RFX1: variants seen among roughly 807,000 people sequenced by gnomAD.
The protein encoded by RFX1 is regulatory factor X1.
RFX1 carries 42 observed loss-of-function variants against 119.6 expected under a neutral mutation model. The observed-to-expected ratio is 0.35, with a 90% CI of 0.27 to 0.45. The LOEUF (loss-of-function observed/expected upper bound fraction) is 0.45, where lower values mean the gene tolerates loss of function less well. Among genes scored for constraint, RFX1 ranks in the 20% least tolerant of loss-of-function variants. The pLI is 1.00. For missense variants in RFX1, 1,118 were observed against 1,368.1 expected (o/e 0.82, Z 2.88); for synonymous variants, 628 against 618.5 (o/e 1.02, Z -0.23).
intron 9 of RFX1, among the ~76,000 whole-genome samples, chr19:13,972,323 A>G (rs962221638): frequency 1.3e-5 from 2 of 151,610 alleles, no homozygotes; most frequent in Non-Finnish European, 1.5e-5. Context: ...CCTCCTGAGT[A>G]GCTGGGATTA....
At chr19:13,977,713 G>A (rs1974291313) in intron 8 of RFX1, among the ~76,000 whole-genome samples, 1 of 151,270 alleles carries the variant, frequency 6.6e-6, no homozygotes, top group African/African-American at 2.4e-5. Context: ...CACCGTGCCT[G>A]GCCTTTTTTT....
At chr19:13,962,948 G>T in intron 20 of RFX1, 46 bp downstream of exon 20, 1 of 1,547,554 alleles carries the variant, frequency 6.5e-7, no homozygotes, top group Non-Finnish European at 8.7e-7. Flanking sequence ...TCCGTTGTCC[G>T]CCACCCCCGG....
At chr19:13,988,605 A>G (rs1433383989) in intron 2 of RFX1, among the ~76,000 whole-genome samples, 2 of 152,116 alleles carry the variant, frequency 1.3e-5, no homozygotes, top group Non-Finnish European at 2.9e-5. Context: ...GTGCTCCTCT[A>G]GGCTGTTCTG....
In RFX1 at chr19:13,970,099, A is replaced by G; in HGVS notation, c.1391T>C (p.Leu464Ser). The change falls in exon 10 of 21, where the codon TTA (leucine) becomes TCA (serine). Residue 464 changes from leucine (L) to serine (S), a missense_variant. By Grantham distance (145) the Leu-to-Ser change is moderately radical. Coordinates refer to ENST00000254325, the MANE Select transcript of RFX1 (RefSeq NM_002918.5). ...CAGCTTCTGCTCCTGGCAGTGCAGT[A>G]AGTAGTGGCAGTAGAGGGTGCTCCG... ...LPRSTLYCHY[L>S]LHCQEQKLEP... The G allele has an allele frequency of 6.2e-7, 1 of 1,614,072 alleles. No individual in the cohort carries two copies. The highest frequency in any genetic ancestry group is 2.2e-5 in the East Asian group (1 of 44,890).
At chr19:13,971,764 C>T (rs992534110) in intron 9 of RFX1, among the ~76,000 whole-genome samples, 1 of 152,026 alleles carries the variant, frequency 6.6e-6, no homozygotes, top group African/African-American at 2.4e-5. Context: ...AATCCCAGCA[C>T]TTTGGGAGGC....
Position 13,969,872 on chromosome 19 carries a change from G to C in RFX1, c.1496+122C>G, listed in dbSNP as rs1025802542. 7.1e-6 allele frequency: 7 copies of C among 981,150 alleles called. No homozygotes were observed. The South Asian group carries it at 1.2e-4, about 17-fold the overall frequency. The allele number at this position is 981,150 out of a possible 1,614,324, so 60.8% of individuals were successfully genotyped here. On this transcript the variant is annotated intron_variant, in intron 10 of 20. Transcript: ENST00000254325. This position sits in a 1 kb window ranked among gnomAD's most constrained non-coding sequence, Gnocchi z 4.5. The stretch of plus-strand genomic sequence containing the variant: ...TGGGAGTGAGCGGGGCTGTCGAGGA[G>C]CCTCGCAGAGGCCGGCGGGACTGGG...
At chr19:13,995,741 C>T (rs1974991001) in intron 1 of RFX1, among the ~76,000 whole-genome samples, 1 of 148,636 alleles carries the variant, frequency 6.7e-6, no homozygotes, top group Non-Finnish European at 1.5e-5. Flanking sequence ...ATCCCAGCTA[C>T]TTAGGAGGAT....
At chr19:13,964,506 A>G (rs191265181) in intron 16 of RFX1, among the ~76,000 whole-genome samples, 8 of 151,976 alleles carry the variant, frequency 5.3e-5, no homozygotes, top group Admixed American at 1.3e-4. Flanking sequence ...TTTGTTTGAC[A>G]CTGAATCTCT....
At chr19:13,972,666 A>G (rs1410765332) in intron 9 of RFX1, 77 bp downstream of exon 9, 16 of 1,166,698 alleles carry the variant, frequency 1.4e-5, no homozygotes, top group Non-Finnish European at 1.9e-5. Flanking sequence ...GTTGGTAACC[A>G]CCGTCATGGA....
chr19:13,983,404 G>T, intron 3 of RFX1, 82 bp downstream of exon 3: 1 of 1,257,006 alleles, frequency 8.0e-7, no homozygotes, highest in Non-Finnish European at 1.1e-6. Flanking sequence ...AAGCGGGGAG[G>T]GGAGGTGAGG....
chr19:13,966,491 C>G lies in RFX1; in HGVS notation c.1891G>C (p.Val631Leu). 1 of 1,593,900 alleles carries G rather than the reference C, an allele frequency of 6.3e-7. No homozygotes were observed. The highest frequency in any genetic ancestry group is 8.6e-7 in the Non-Finnish European group (1 of 1,169,326). ...CAGAAGGTCTTCCACAGCGTCTCCA[C>G]CAGGGTGAACTGCAGGTTCACCATG... ...DVMVNLQFTL[V>L]ETLWKTFWRY... Residue 631 changes from valine (V) to leucine (L), a missense_variant, in exon 14 of 21, where the codon GTG becomes CTG. Around this residue, in one of 5 missense-constraint regions of RFX1, gnomAD observed 338 missense variants for 508.9 expected, o/e 0.66. Transcript: ENST00000254325. The surrounding 1 kb of genome is among the most constrained non-coding windows in gnomAD (Gnocchi z 6.3).
chr19:13,989,232 A>G (rs1483756083), intron 2 of RFX1, among the ~76,000 whole-genome samples: 1 of 151,746 alleles, frequency 6.6e-6, no homozygotes, highest in African/African-American at 2.4e-5. Context: ...GAGCTGTAGG[A>G]AGGCAAGAGG....
chr19:13,995,713 T>C (rs568272662), intron 1 of RFX1, among the ~76,000 whole-genome samples: 1 of 152,170 alleles, frequency 6.6e-6, no homozygotes, highest in East Asian at 1.9e-4. Flanking sequence ...CAGCTGGGCA[T>C]GGTGGCACAT....
At chr19:13,988,949 G>A (rs1355499230) in intron 2 of RFX1, among the ~76,000 whole-genome samples, 2 of 152,190 alleles carry the variant, frequency 1.3e-5, no homozygotes, top group South Asian at 4.1e-4. Flanking sequence ...TTGAACCCAG[G>A]AGGCAGAGGT....
chr19:14,005,370 G>T (rs926184973), intron 1 of RFX1, among the ~76,000 whole-genome samples: 4 of 152,218 alleles, frequency 2.6e-5, no homozygotes, highest in African/African-American at 7.2e-5. Context: ...GAAGGTGGCA[G>T]GTTTAGGAGT....
chr19:13,973,859 T>C (rs1053664503), intron 8 of RFX1, among the ~76,000 whole-genome samples: 8 of 152,068 alleles, frequency 5.3e-5, no homozygotes, highest in African/African-American at 1.4e-4. Context: ...CTCGAACTTC[T>C]GACCTCAAGT....
At chr19:13,971,599 A>G (rs982408727) in intron 9 of RFX1, among the ~76,000 whole-genome samples, 3 of 152,108 alleles carry the variant, frequency 2.0e-5, no homozygotes, top group Non-Finnish European at 4.4e-5. Flanking sequence ...CTCTGCCCTC[A>G]TTATCTATTC....
rs997810308 is a variant in RFX1 at position 13,969,886 on chromosome 19, G to A, written c.1496+108C>T. On this transcript the variant is annotated intron_variant, in intron 10 of 20. Coordinates refer to ENST00000254325, the MANE Select transcript of RFX1 (RefSeq NM_002918.5). This position sits in a 1 kb window ranked among gnomAD's most constrained non-coding sequence, Gnocchi z 4.5. ...GCTGTCGAGGAGCCTCGCAGAGGCC[G>A]GCGGGACTGGGCTGGACTGGACTGC... 18 of 1,160,276 alleles carry A rather than the reference G, an allele frequency of 1.6e-5. No individual in the cohort carries two copies. Among genetic ancestry groups the A allele is most frequent in the Admixed American group, 1.1e-4 (4 of 35,780 alleles). The allele number at this position is 1,160,276 out of a possible 1,614,324, so 71.9% of individuals were successfully genotyped here. A position where few individuals can be genotyped will look rare whatever the true frequency, so the allele number is the denominator to read the frequency against.
rs150429208 is a variant in RFX1 at position 13,983,107 on chromosome 19, A to G, written c.513+80T>C. ...CTCTTCCCTCCATCCTGGTGAGGAC[A>G]GATCCAGGCTTGCCACAGGGGGTTG... On this transcript the variant is annotated intron_variant, in intron 4 of 20. Coordinates refer to ENST00000254325, the MANE Select transcript of RFX1 (RefSeq NM_002918.5). 4.3e-5 allele frequency: 47 copies of G among 1,100,984 alleles called. No individual in the cohort carries two copies. In the African/African-American group the frequency reaches 6.0e-4, roughly 14 times the overall value. 68.2% of individuals were successfully genotyped at this position (1,100,984 alleles called of 1,614,324 possible).
Sources: gnomAD v4.1 joint callset for allele counts (sites outside exome capture counted in the v4.1 genomes callset) on GRCh38, gnomAD v4.1.1 for gene constraint, gnomAD v4.1.1 regional missense constraint, Gnocchi (gnomAD v3.1) non-coding constraint, MANE v1.5 for transcripts, NCBI Gene and HGNC (gene_info 2026-07-23, HGNC 2026-07-21) for gene names.